The following NHS variants were observed in gnomAD, a reference collection of about 807,000 sequenced individuals.
The protein encoded by NHS is actin remodeling regulator NHS.
Under a neutral mutation model 72.5 loss-of-function variants are expected in NHS, and 5 were observed. The observed-to-expected ratio is 0.07, with a 90% CI of 0.04 to 0.14. The LOEUF (loss-of-function observed/expected upper bound fraction) is 0.14, where lower values mean the gene tolerates loss of function less well. Among genes scored for constraint, NHS ranks in the 10% least tolerant of loss-of-function variants. The pLI is 1.00. For synonymous variants in NHS, 464 were observed against 547.7 expected (o/e 0.85, Z 2.13); for missense variants, 1,072 against 1,355.7 (o/e 0.79, Z 3.29).
intron 1 of NHS, among the ~76,000 whole-genome samples, chrX:17,570,652 AC>A (rs1003889662): frequency 5.4e-5 from 6 of 111,610 alleles, no homozygotes; most frequent in Non-Finnish European, 1.1e-4. Context: ...CTATCTGAAT[AC>A]CCTTTATTGC....
chrX:17,534,121 T>TGTGC (rs1353399127), intron 1 of NHS, among the ~76,000 whole-genome samples: 1 of 111,905 alleles, frequency 8.9e-6, no homozygotes, highest in Non-Finnish European at 1.9e-5. Context: ...TGTGTGTGTG[T>TGTGC]GCATACACAC....
At chrX:17,450,238 A>G (rs2064799616) in intron 1 of NHS, among the ~76,000 whole-genome samples, 1 of 111,587 alleles carries the variant, frequency 9.0e-6, no homozygotes, top group Non-Finnish European at 1.9e-5. Context: ...TTTGGCTAAC[A>G]CTTGAAAGGG....
chrX:17,430,258 T>TC (rs1491507720), intron 1 of NHS, among the ~76,000 whole-genome samples: 10 of 42,293 alleles, frequency 2.4e-4, no homozygotes, highest in African/African-American at 7.7e-4. Context: ...CCCCTCTTTC[T>TC]TTTTCTTTCT....
intron 1 of NHS, among the ~76,000 whole-genome samples, chrX:17,423,152 T>G (rs191523799): frequency 4.4e-4 from 49 of 112,101 alleles, no homozygotes; most frequent in African/African-American, 1.6e-3. Context: ...TTGCAGCTGA[T>G]GTTTGATTAA....
At chrX:17,607,907 T>C (rs1341032614) in intron 1 of NHS, among the ~76,000 whole-genome samples, 2 of 105,652 alleles carry the variant, frequency 1.9e-5, no homozygotes, top group Non-Finnish European at 3.9e-5. Context: ...TCTTCTCTTT[T>C]TCTTTTCTTT....
At chrX:17,597,115 C>T (rs979492314) in intron 1 of NHS, among the ~76,000 whole-genome samples, 1 of 92,276 alleles carries the variant, frequency 1.1e-5, no homozygotes, top group African/African-American at 5.3e-5. Flanking sequence ...ACTATTCTTC[C>T]GTTTTTTTTT....
chrX:17,671,640 A>G (rs1440462960), intron 1 of NHS, among the ~76,000 whole-genome samples: 3 of 112,075 alleles, frequency 2.7e-5, no homozygotes, highest in Non-Finnish European at 5.6e-5. Flanking sequence ...TGCCCTGAAA[A>G]AGCATCTAGT....
intron 1 of NHS, among the ~76,000 whole-genome samples, chrX:17,614,237 A>G (rs1358084789): frequency 8.9e-6 from 1 of 112,395 alleles, no homozygotes; most frequent in Non-Finnish European, 1.9e-5. Context: ...CACATCTCAA[A>G]GACTTTGAAG....
intron 1 of NHS, among the ~76,000 whole-genome samples, chrX:17,673,226 ACACACACACAC>A (rs1242574573): frequency 1.6e-4 from 16 of 101,546 alleles, no homozygotes; most frequent in African/African-American, 5.2e-4. Flanking sequence ...ACACACACAC[ACACACACACAC>A]AAGAAAGCTC....
chrX:17,513,722 G>C (rs1203327627), intron 1 of NHS, among the ~76,000 whole-genome samples: 1 of 112,143 alleles, frequency 8.9e-6, no homozygotes, highest in Non-Finnish European at 1.9e-5. Flanking sequence ...GGGGACATTT[G>C]ACAATGTCTG....
chrX:17,439,652 G>A (rs1280972601), intron 1 of NHS, among the ~76,000 whole-genome samples: 1 of 111,610 alleles, frequency 9.0e-6, no homozygotes, highest in Non-Finnish European at 1.9e-5. Context: ...TTCATTATAT[G>A]AAACTACTTC....
chrX:17,606,753 T>C (rs1460568019), intron 1 of NHS, among the ~76,000 whole-genome samples: 1 of 111,950 alleles, frequency 8.9e-6, no homozygotes, highest in Non-Finnish European at 1.9e-5. Flanking sequence ...AGTGTTTCGT[T>C]TTACTGAGCA....
intron 1 of NHS, among the ~76,000 whole-genome samples, chrX:17,500,386 G>A (rs1304620870): frequency 8.9e-6 from 1 of 112,123 alleles, no homozygotes; most frequent in Non-Finnish European, 1.9e-5. Context: ...TGTTTGTTAG[G>A]CTGAGGTCAG....
At chrX:17,501,228 G>A in intron 1 of NHS, among the ~76,000 whole-genome samples, 1 of 109,556 alleles carries the variant, frequency 9.1e-6, no homozygotes, top group Non-Finnish European at 1.9e-5. Flanking sequence ...GCCATGTGTG[G>A]TGGTGCATGC....
intron 2 of NHS, among the ~76,000 whole-genome samples, chrX:17,690,932 A>G (rs1451515770): frequency 4.5e-5 from 5 of 111,820 alleles, no homozygotes; most frequent in African/African-American, 1.6e-4. Flanking sequence ...ATTATATTTT[A>G]TATTTCCTTT....
At chrX:17,388,399 G>A (rs1362179787) in intron 1 of NHS, among the ~76,000 whole-genome samples, 2 of 111,347 alleles carry the variant, frequency 1.8e-5, no homozygotes, top group African/African-American at 6.5e-5. Flanking sequence ...ATTTTAAATG[G>A]GGTGGTCAGG....
chrX:17,576,939 C>T (rs1601782668), intron 1 of NHS, among the ~76,000 whole-genome samples: 2 of 111,857 alleles, frequency 1.8e-5, no homozygotes, highest in Non-Finnish European at 3.8e-5. Context: ...TCCCAGTGCA[C>T]AGACAGGAGA....
rs181908294 is a variant in NHS, at chrX:17,493,612, G to A, written c.565+117290G>A. 9.9e-5 allele frequency among the ~76,000 whole-genome samples: 11 copies of A among 111,638 alleles called. No homozygotes were observed. In the East Asian group the frequency reaches 3.1e-3, roughly 31 times the overall value. On this transcript the variant is annotated intron_variant, in intron 1 of 8. Coordinates refer to ENST00000676302, the MANE Select transcript of NHS (RefSeq NM_001291867.2). ...TGGCTAGGCCCCCTGAATTGAAAGT[G>A]AATGAGGAAAGGGAAGTTATGGAGA...
chrX:17,584,143 G>A (rs1041430908), intron 1 of NHS, among the ~76,000 whole-genome samples: 9 of 111,868 alleles, frequency 8.0e-5, no homozygotes, highest in Admixed American at 5.7e-4. Context: ...TTGAGCTGCC[G>A]AGTTTTCTAG....
Sources: gnomAD v4.1 joint callset for allele counts (sites outside exome capture counted in the v4.1 genomes callset) on GRCh38, gnomAD v4.1.1 for gene constraint, MANE v1.5 for transcripts, NCBI Gene and HGNC (gene_info 2026-07-23, HGNC 2026-07-21) for gene names.